Variants in ASCC2 observed in about 807,000 individuals in gnomAD.
ASCC2 encodes activating signal cointegrator 1 complex subunit 2.
Under a neutral mutation model 93.5 loss-of-function variants are expected in ASCC2, and 42 were observed. The observed-to-expected ratio is 0.45, with a 90% CI of 0.35 to 0.58. ASCC2 has a LOEUF of 0.58. Ranked by LOEUF, ASCC2 falls within the 20% of genes least tolerant of loss-of-function variation. The pLI, the probability that ASCC2 is intolerant of heterozygous loss-of-function variation, is 0.00. For missense variants in ASCC2, 859 were observed against 977.6 expected (o/e 0.88, Z 1.62); for synonymous variants, 364 against 384.2 (o/e 0.95, Z 0.62).
intron 8 of ASCC2, among the ~76,000 whole-genome samples, chr22:29,812,086 T>C (rs993981316): frequency 1.3e-5 from 2 of 152,236 alleles, no homozygotes; most frequent in Admixed American, 1.3e-4. Flanking sequence ...TAATGTCTGA[T>C]TTTTATAAGC....
chr22:29,803,582 C>T (rs1378314919), intron 13 of ASCC2, among the ~76,000 whole-genome samples: 8 of 152,290 alleles, frequency 5.3e-5, no homozygotes, highest in Middle Eastern at 3.4e-3. Flanking sequence ...AGTTTACTGA[C>T]GGTGGAGGCG....
At position 29,809,962 on chromosome 22, in the gene ASCC2, C is replaced by T. The variant is rs1601979048; in HGVS notation, c.834-1777G>A. 9 of 152,140 alleles carry T rather than the reference C, an allele frequency of 5.9e-5. No individual in the cohort carries two copies. In the South Asian group the frequency reaches 1.9e-3, roughly 32 times the overall value. The allele number at this position is 152,140 out of a possible 1,614,324, so 9.4% of individuals were successfully genotyped here. ...ATATCTGTCACGGTATACAGCCAAT[C>T]TTGCTTCTCACCTAGGTGATTTCAT... On this transcript the variant is annotated intron_variant, in intron 8 of 19. Transcript: ENST00000307790.
chr22:29,790,877 G>A (rs996950161), intron 18 of ASCC2, among the ~76,000 whole-genome samples: 1 of 152,168 alleles, frequency 6.6e-6, no homozygotes, highest in Non-Finnish European at 1.5e-5. Flanking sequence ...GCCACTGTGA[G>A]AGGCTGTGCA....
chr22:29,824,145 C>T (rs1353749348), intron 4 of ASCC2, among the ~76,000 whole-genome samples: 8 of 151,584 alleles, frequency 5.3e-5, no homozygotes, highest in South Asian at 4.2e-4. Context: ...GCTATGATTG[C>T]GCCACTGCAC....
Position 29,813,481 on chromosome 22 carries a change from T to A in ASCC2, c.782A>T (p.Asp261Val). 6.2e-7 allele frequency: 1 copy of A among 1,614,136 alleles called. No homozygotes were observed. The change falls in exon 8 of 20, where the codon GAT becomes GTT. Residue 261 changes from aspartate (D) to valine (V), a missense_variant. Asp to Val is a radical substitution (Grantham distance 152). Transcript: ENST00000307790. ...GGTCTGGCAAGCCAAAGGGAAGATATCCAGAAAGGCCCAAAGTGTGGTGCA... is the reference window on the plus strand; with the variant it reads ...GGTCTGGCAAGCCAAAGGGAAGATAACCAGAAAGGCCCAAAGTGTGGTGCA... The part of the protein sequence containing the change: ...DTCTTLWAFL[D>V]IFPLACQTFQ...
intron 14 of ASCC2, among the ~76,000 whole-genome samples, chr22:29,801,754 A>C (rs894506057): frequency 6.6e-6 from 1 of 152,178 alleles, no homozygotes; most frequent in African/African-American, 2.4e-5. Context: ...ATGGCGCTCT[A>C]ATCAGCCTTC....
rs566261412 is a variant in ASCC2, at chr22:29,807,438, A to G, written c.909-534T>C. On this transcript the variant is annotated intron_variant, in intron 9 of 19. Coordinates refer to ENST00000307790, the MANE Select transcript of ASCC2 (RefSeq NM_032204.5). ...TGCTTCTCAGTTCAAACGGTGGGTC[A>G]GGAACCAGCAGGCTGAGTACCAAGA... 1.2e-4 allele frequency among the ~76,000 whole-genome samples: 19 copies of G among 152,266 alleles called. No individual in the cohort carries two copies. The South Asian group carries it at 1.7e-3, about 13-fold the overall frequency.
chr22:29,802,492 CAA>C (rs67064044), intron 13 of ASCC2, among the ~76,000 whole-genome samples: 4 of 146,714 alleles, frequency 2.7e-5, no homozygotes, highest in African/African-American at 7.5e-5. Context: ...GGAAAATAAA[CAA>C]AAAAAAAAAA....
intron 6 of ASCC2, 33 bp from the exon 7 acceptor site, chr22:29,814,800 A>T: frequency 1.3e-6 from 2 of 1,574,230 alleles, no homozygotes; most frequent in Non-Finnish European, 1.7e-6. Context: ...CTCTCACATC[A>T]TACTGAACCA....
intron 2 of ASCC2, among the ~76,000 whole-genome samples, chr22:29,827,812 C>CCTG (rs2148298823): frequency 8.2e-6 from 1 of 122,618 alleles, no homozygotes; most frequent in African/African-American, 3.2e-5. Flanking sequence ...CTCATTCTGA[C>CCTG]ACACACACAC....
At chr22:29,791,606 G>A (rs1226502260) in intron 18 of ASCC2, among the ~76,000 whole-genome samples, 3 of 152,128 alleles carry the variant, frequency 2.0e-5, no homozygotes, top group Non-Finnish European at 2.9e-5. Context: ...ACTTGAATCC[G>A]GGAGGTGGAG....
Position 29,789,069 on chromosome 22 carries a change from G to A in ASCC2, c.2218C>T (p.His740Tyr), listed in dbSNP as rs1018560653. ...KEANKATRAN[H>Y]NRRTMADRKR... Reference sequence around the variant, plus strand: ...CGGTCGGCCATGGTTCTCCGGTTGTGGTTGGCTCTTGTCGCCTTGTTGGCT... The same window carrying A: ...CGGTCGGCCATGGTTCTCCGGTTGTAGTTGGCTCTTGTCGCCTTGTTGGCT... Residue 740 changes from histidine (H) to tyrosine (Y), a missense_variant, in exon 20 of 20, where the codon CAC (histidine) becomes TAC (tyrosine). Physicochemically the swap from His to Tyr is moderately conservative, Grantham distance 83. Coordinates refer to ENST00000307790, the MANE Select transcript of ASCC2 (RefSeq NM_032204.5). 1.9e-6 allele frequency: 3 copies of A among 1,614,088 alleles called. No homozygotes were observed. In the African/African-American group the frequency reaches 4.0e-5, roughly 22 times the overall value.
chr22:29,789,240 G>A (rs902313306), intron 19 of ASCC2, 56 bp from the exon 20 acceptor site: 22 of 1,603,414 alleles, frequency 1.4e-5, no homozygotes, highest in South Asian at 3.3e-5. Context: ...AGGCTCTGGC[G>A]GGAGAGCCCA....
intron 4 of ASCC2, among the ~76,000 whole-genome samples, chr22:29,822,701 G>C (rs1414977022): frequency 6.9e-6 from 1 of 144,534 alleles, no homozygotes; most frequent in Non-Finnish European, 1.5e-5. Flanking sequence ...TTTACAACTG[G>C]CTGTATTATC....
intron 8 of ASCC2, among the ~76,000 whole-genome samples, chr22:29,810,848 A>C (rs1317029691): frequency 1.3e-5 from 2 of 151,728 alleles, no homozygotes; most frequent in Admixed American, 1.3e-4. Context: ...CTCCCACCTC[A>C]GCCTCCCGAA....
intron 12 of ASCC2, among the ~76,000 whole-genome samples, chr22:29,805,463 T>C (rs1569385558): frequency 1.3e-5 from 2 of 152,132 alleles, no homozygotes; most frequent in East Asian, 1.9e-4. Flanking sequence ...GCCAGTCCAT[T>C]CTCTTCCCTG....
intron 6 of ASCC2, among the ~76,000 whole-genome samples, chr22:29,815,652 T>C (rs1419882144): frequency 6.6e-6 from 1 of 152,202 alleles, no homozygotes. Context: ...GAACATTATT[T>C]CATGAAATAA....
In ASCC2 at chr22:29,792,535, C is replaced by A. The variant is rs772837687; in HGVS notation, c.1920G>T (p.Arg640Ser). ...ADSDDELISR[R>S]PFTIPQVLRT... ...TCAGCACCTGAGGGATGGTGAATGGCCTGAGGGTGTGGAGAGAAATGAGAT... is the reference window on the plus strand; with the variant it reads ...TCAGCACCTGAGGGATGGTGAATGGACTGAGGGTGTGGAGAGAAATGAGAT... The change falls in exon 18 of 20, where the codon AGG becomes AGT. Residue 640 changes from arginine to serine, a missense_variant and splice_region_variant. Transcript: ENST00000307790. 1 of 1,613,726 alleles carries A rather than the reference C, an allele frequency of 6.2e-7. No individual in the cohort carries two copies. Among genetic ancestry groups the A allele is most frequent in the Admixed American group, 1.7e-5 (1 of 59,984 alleles).
intron 5 of ASCC2, among the ~76,000 whole-genome samples, chr22:29,818,421 C>CT (rs1287740585): frequency 1.1e-4 from 4 of 36,108 alleles, no homozygotes; most frequent in Non-Finnish European, 1.3e-4. Flanking sequence ...CACACACACA[C>CT]ACACACACAC....
Sources: allele counts gnomAD v4.1 joint callset (sites outside exome capture counted in the v4.1 genomes callset), GRCh38; gene constraint gnomAD v4.1.1; transcripts MANE v1.5; gene names NCBI Gene and HGNC (gene_info 2026-07-23, HGNC 2026-07-21).